Variants in SYNE2 observed in about 807,000 individuals in gnomAD.
SYNE2 encodes the protein nesprin-2.
Under a neutral mutation model 856.3 loss-of-function variants are expected in SYNE2, and 431 were observed. The observed-to-expected ratio is 0.50, with a 90% CI of 0.47 to 0.55. The LOEUF is 0.55. Ranked by LOEUF, SYNE2 falls within the 20% of genes least tolerant of loss-of-function variation. The pLI, the probability that SYNE2 is intolerant of heterozygous loss-of-function variation, is 0.00. For missense variants in SYNE2, 8,129 were observed against 8,023.2 expected, an observed-to-expected ratio of 1.01 and a Z score of -0.50; for synonymous variants, 2,923 against 2,872.3, an observed-to-expected ratio of 1.02 and a Z score of -0.56.
Position 64,052,720 on chromosome 14 carries a change from A to G in SYNE2, c.8807A>G (p.Asn2936Ser). The G allele has an allele frequency of 6.2e-7, 1 of 1,613,814 alleles. No individual in the cohort carries two copies. The highest frequency in any genetic ancestry group is 8.5e-7 in the Non-Finnish European group (1 of 1,179,836). Residue 2936 changes from asparagine to serine, a missense_variant, in exon 48 of 116, where the codon AAT (asparagine) becomes AGT (serine). This residue lies in a region of SYNE2 where 5,410 missense variants were observed against 5,284.8 expected (regional missense o/e 1.02). Transcript: ENST00000555002. ...CAAAGATTCATTCAGAATACATGTA[A>G]TGAAGTGGAACACAAGATAAAGTTT... ...RIQRFIQNTCNEVEHKIKFCR... is the reference protein window; with the variant it reads ...RIQRFIQNTCSEVEHKIKFCR...
At chr14:63,956,678 T>G (rs1472015335) in intron 8 of SYNE2, among the ~76,000 whole-genome samples, 2 of 152,196 alleles carry the variant, frequency 1.3e-5, no homozygotes, top group Non-Finnish European at 2.9e-5. Flanking sequence ...CAACACTGGA[T>G]TGAAAATATT....
At chr14:64,219,087 T>TC (rs2098680117) in intron 109 of SYNE2, 121 bp from the exon 110 acceptor site, 1 of 888,738 alleles carries the variant, frequency 1.1e-6, no homozygotes, top group African/African-American at 1.9e-5. Context: ...GTCAGGGGAA[T>TC]CCCCTACAGT....
At chr14:63,901,011 C>T (rs890734854) in intron 1 of SYNE2, among the ~76,000 whole-genome samples, 2 of 152,190 alleles carry the variant, frequency 1.3e-5, no homozygotes, top group African/African-American at 4.8e-5. Context: ...TTTAAAATCA[C>T]TCTGTTAAAG....
rs532853602 is a variant in SYNE2, at chr14:64,223,214, G to T, written c.20216G>T (p.Arg6739Leu). The T allele has an allele frequency of 1.9e-6, 3 of 1,613,960 alleles. No homozygotes were observed. The highest frequency in any genetic ancestry group is 1.7e-5 in the Admixed American group (1 of 60,022). Residue 6739 changes from arginine to leucine, a missense_variant, in exon 113 of 116, where the codon CGT (arginine) becomes CTT (leucine). Arg to Leu is a moderately radical substitution (Grantham distance 102). Transcript: ENST00000555002. ...CAACTGGAAAAGGAGCTGGTAGAAC[G>T]TCAACCTCAAGTGGACATGTTACAG... Reference protein sequence around the residue: ...LMQLEKELVERQPQVDMLQEI... With the variant: ...LMQLEKELVELQPQVDMLQEI...
At chr14:63,815,741 A>T (rs1888953402) in intron 1 of SYNE2, among the ~76,000 whole-genome samples, 1 of 152,104 alleles carries the variant, frequency 6.6e-6, no homozygotes, top group Non-Finnish European at 1.5e-5. Context: ...AGGTATGGAC[A>T]ACCTTCGTGC....
intron 83 of SYNE2, among the ~76,000 whole-genome samples, 194 bp downstream of exon 83, chr14:64,144,142 A>G (rs146159555): frequency 1.4e-4 from 22 of 152,332 alleles, no homozygotes; most frequent in African/African-American, 4.8e-4. Flanking sequence ...TAGTTCTTAT[A>G]TTTGAGATTT....
chr14:64,153,635 G>A (rs1359739277), intron 85 of SYNE2, among the ~76,000 whole-genome samples: 1 of 152,200 alleles, frequency 6.6e-6, no homozygotes, highest in Non-Finnish European at 1.5e-5. Context: ...AGCATACATT[G>A]TGTGAGGTAC....
chr14:63,806,027 ATGATGAGAGTGGGCATCTTT>A (rs1888348345), intron 1 of SYNE2, among the ~76,000 whole-genome samples: 1 of 152,118 alleles, frequency 6.6e-6, no homozygotes, highest in African/African-American at 2.4e-5. Flanking sequence ...GCTGAATAGG[ATGATGAGAGTGGGCATCTTT>A]TGCTTGTTCC....
Position 64,016,597 on chromosome 14 carries a change from A to G in SYNE2, c.4853A>G (p.Lys1618Arg). 1 of 1,601,738 alleles carries G rather than the reference A, an allele frequency of 6.2e-7. No homozygotes were observed. Among genetic ancestry groups the G allele is most frequent in the African/African-American group, 1.3e-5 (1 of 74,636 alleles). ...ACTTTTGAAGAGCCCCCTTTTGAAA[A>G]AGAGGCTAATATTATTGTGGATAGA... ...MKTFEEPPFE[K>R]EANIIVDRWL... Residue 1618 changes from lysine to arginine, a missense_variant, in exon 33 of 116, where the codon AAA becomes AGA. Coordinates refer to ENST00000555002, the MANE Select transcript of SYNE2 (RefSeq NM_182914.3).
At chr14:63,935,122 G>T (rs1355097707) in intron 2 of SYNE2, among the ~76,000 whole-genome samples, 1 of 151,976 alleles carries the variant, frequency 6.6e-6, no homozygotes, top group Non-Finnish European at 1.5e-5. Context: ...AGGAGATTTA[G>T]TATAGTTTTG....
intron 1 of SYNE2, among the ~76,000 whole-genome samples, chr14:63,815,732 G>A (rs1337426011): frequency 6.6e-6 from 1 of 151,946 alleles, no homozygotes; most frequent in African/African-American, 2.4e-5. Flanking sequence ...TAACAACTCA[G>A]GTATGGACAA....
chr14:63,775,493 C>G (rs781295039), intron 1 of SYNE2, among the ~76,000 whole-genome samples: 4 of 151,870 alleles, frequency 2.6e-5, no homozygotes, highest in Non-Finnish European at 5.9e-5. Flanking sequence ...CCAGGCTGGT[C>G]TTGAGCTCCT....
intron 1 of SYNE2, among the ~76,000 whole-genome samples, chr14:63,779,967 A>T (rs925622604): frequency 2.0e-5 from 3 of 152,128 alleles, no homozygotes; most frequent in African/African-American, 7.2e-5. Flanking sequence ...AATAAGTAAA[A>T]CTTTCAGTGT....
chr14:64,221,550 C>T (rs773103084), intron 111 of SYNE2, 26 bp from the exon 112 acceptor site: 25 of 1,614,006 alleles, frequency 1.5e-5, no homozygotes, highest in African/African-American at 1.5e-4. Flanking sequence ...AAGACACGGC[C>T]GCGCTCTGAT....
intron 2 of SYNE2, among the ~76,000 whole-genome samples, chr14:63,925,648 C>G (rs1012361633): frequency 2.6e-5 from 4 of 152,174 alleles, no homozygotes; most frequent in Non-Finnish European, 5.9e-5. Flanking sequence ...TACTCTTCCC[C>G]TCTACCTGCA....
chr14:63,847,390 G>C (rs974080339), intron 1 of SYNE2, among the ~76,000 whole-genome samples: 6 of 151,860 alleles, frequency 4.0e-5, no homozygotes, highest in Non-Finnish European at 8.8e-5. Flanking sequence ...CCAGGAGGTC[G>C]AGGCTGCAAT....
In SYNE2 at chr14:64,107,594, A is replaced by G. The variant is rs35223918; in HGVS notation, c.12596A>G (p.Asn4199Ser). The change falls in exon 65 of 116, where the codon AAC (asparagine) becomes AGC (serine). Residue 4199 changes from asparagine (N) to serine (S), a missense_variant. Physicochemically the swap from Asn to Ser is conservative, Grantham distance 46. Around this residue, in one of 3 missense-constraint regions of SYNE2, gnomAD observed 5,410 missense variants for 5,284.8 expected, o/e 1.02. Transcript: ENST00000555002. ...EQGPECSLRPNQTEEGTTPPI... is the reference protein window; with the variant it reads ...EQGPECSLRPSQTEEGTTPPI... ...GGCCCAGAATGTTCCCTAAGGCCCA[A>G]CCAAACAGAAGAGGTAAGTCCTGGT... is the stretch of plus-strand genomic sequence containing the variant. The G allele has an allele frequency of 1.2e-3, 1,999 of 1,614,028 alleles. 24 individuals carry two copies. The African/African-American group carries it at 0.024, about 19-fold the overall frequency.
At chr14:64,088,261 G>T (rs545696928) in intron 58 of SYNE2, among the ~76,000 whole-genome samples, 1 of 152,156 alleles carries the variant, frequency 6.6e-6, no homozygotes, top group Non-Finnish European at 1.5e-5. Context: ...AAAATGTCAT[G>T]TATGTTCTCA....
Position 64,093,332 on chromosome 14 carries a change from TG to T in SYNE2, c.11977-12del. The T allele has an allele frequency of 6.2e-7, 1 of 1,613,310 alleles. No individual in the cohort carries two copies. Among genetic ancestry groups the T allele is most frequent in the Non-Finnish European group, 8.5e-7 (1 of 1,179,498 alleles). On this transcript the variant is annotated splice_polypyrimidine_tract_variant and intron_variant, in intron 60 of 115. Coordinates refer to ENST00000555002, the MANE Select transcript of SYNE2 (RefSeq NM_182914.3). The stretch of plus-strand genomic sequence containing the variant: ...AGATTATGACAAAGATTCTTTTTTG[TG>T]GGGGTTATTTTATAGGTAGTCATAA...
Sources: allele counts gnomAD v4.1 joint callset (sites outside exome capture counted in the v4.1 genomes callset), GRCh38; gene constraint gnomAD v4.1.1; regional missense constraint gnomAD v4.1.1; transcripts MANE v1.5; gene names NCBI Gene and HGNC (gene_info 2026-07-23, HGNC 2026-07-21).